The following LYN variants were observed in gnomAD, a reference collection of about 807,000 sequenced individuals.
LYN encodes the protein tyrosine-protein kinase Lyn.
LYN carries 12 observed loss-of-function variants against 65.0 expected under a neutral mutation model. The ratio of observed to expected loss-of-function variants is 0.18; its 90% CI spans 0.12 to 0.30. The LOEUF is 0.30. Ranked by LOEUF, LYN falls within the 10% of genes least tolerant of loss-of-function variation. The probability of loss-of-function intolerance (pLI) is 1.00; values close to 1 mark genes in which losing one functional copy is unlikely to be tolerated. For missense variants in LYN, 380 were observed against 623.2 expected (o/e 0.61, Z 4.16); for synonymous variants, 222 against 221.2 (o/e 1.00, Z -0.03).
In LYN at chr8:56,011,680, A is replaced by G. The variant is rs556677437; in HGVS notation, c.*1570A>G. 2.7e-4 allele frequency: 53 copies of G among 194,108 alleles called. No homozygotes were observed. The highest frequency in any genetic ancestry group is 5.0e-4 in the Non-Finnish European group (47 of 93,264). The allele number at this position is 194,108 out of a possible 1,614,324, so 12.0% of individuals were successfully genotyped here. ...GCTTGAGGTGCTTAGAAGATGGGAT[A>G]AAATATTCTACTTTTTTCTAAATTT... On this transcript the variant is annotated 3_prime_UTR_variant, in exon 13 of 13. Transcript: ENST00000519728.
At chr8:55,976,687 T>G (rs1180264848) in intron 10 of LYN, among the ~76,000 whole-genome samples, 2 of 152,068 alleles carry the variant, frequency 1.3e-5, no homozygotes, top group Non-Finnish European at 2.9e-5. Context: ...TAGGGTGGGC[T>G]AGCAGGTGGA....
rs186681547 is a variant in LYN, at chr8:56,008,223, C to T, written c.1337-1685C>T. On this transcript the variant is annotated intron_variant, in intron 12 of 12. Transcript: ENST00000519728. Reference sequence around the variant, plus strand: ...TTGATCCCAAATGCGGATAGTGCCCCGCAATTTGAAAAACACTGATTAGAA... The same window carrying T: ...TTGATCCCAAATGCGGATAGTGCCCTGCAATTTGAAAAACACTGATTAGAA... 4.8e-3 allele frequency among the ~76,000 whole-genome samples: 729 copies of T among 152,222 alleles called. 3 individuals carry two copies. The highest frequency in any genetic ancestry group is 8.4e-3 in the Non-Finnish European group (569 of 68,026).
At chr8:55,900,978 G>A (rs1805244272) in intron 1 of LYN, among the ~76,000 whole-genome samples, 1 of 152,080 alleles carries the variant, frequency 6.6e-6, no homozygotes, top group African/African-American at 2.4e-5. Context: ...CGTGGATTGA[G>A]TGAGCCACAT....
intron 1 of LYN, among the ~76,000 whole-genome samples, chr8:55,910,221 T>G (rs1339774556): frequency 6.6e-6 from 1 of 152,184 alleles, no homozygotes; most frequent in Non-Finnish European, 1.5e-5. Flanking sequence ...ATTCTTTGCC[T>G]AGACCAATGT....
At chr8:55,938,945 C>G (rs926514915) in intron 1 of LYN, among the ~76,000 whole-genome samples, 1 of 152,030 alleles carries the variant, frequency 6.6e-6, no homozygotes, top group Non-Finnish European at 1.5e-5. Context: ...GTCATCTGGC[C>G]GTATGGTTTC....
intron 4 of LYN, among the ~76,000 whole-genome samples, chr8:55,949,023 AGCTTACCT>A (rs1239944514): frequency 1.3e-5 from 2 of 152,166 alleles, no homozygotes; most frequent in African/African-American, 4.8e-5. Context: ...CCCCATTACC[AGCTTACCT>A]GCTTGCTTCT....
intron 1 of LYN, among the ~76,000 whole-genome samples, chr8:55,896,857 A>G (rs910772791): frequency 1.3e-5 from 2 of 152,062 alleles, no homozygotes; most frequent in African/African-American, 4.8e-5. Context: ...TCCCTACCTC[A>G]GCCTCCTGAG....
intron 1 of LYN, among the ~76,000 whole-genome samples, chr8:55,881,127 A>T (rs940393024): frequency 1.3e-5 from 2 of 152,176 alleles, no homozygotes; most frequent in Non-Finnish European, 2.9e-5. Context: ...AGTACGTACC[A>T]AGCATTTCAT....
chr8:55,914,735 C>T (rs576882237), intron 1 of LYN, among the ~76,000 whole-genome samples: 1 of 152,316 alleles, frequency 6.6e-6, no homozygotes, highest in Admixed American at 6.5e-5. Flanking sequence ...AGTTTCACTA[C>T]AATATCCAGT....
rs369294042 is a variant in LYN at position 55,939,641 on chromosome 8, G to A, written c.-5-2214G>A. On this transcript the variant is annotated intron_variant, in intron 1 of 12. Transcript: ENST00000519728. ...GAGCGGCCCGGTGCGCTGTGGGTTG[G>A]CCGCACCCATGCAGGGCTCCTGCCC... 1.6e-4 allele frequency among the ~76,000 whole-genome samples: 24 copies of A among 152,318 alleles called. No individual in the cohort carries two copies. In the South Asian group the frequency reaches 5.0e-3, roughly 32 times the overall value.
intron 8 of LYN, among the ~76,000 whole-genome samples, chr8:55,957,590 C>A (rs754670873): frequency 6.6e-6 from 1 of 152,180 alleles, no homozygotes; most frequent in East Asian, 1.9e-4. Flanking sequence ...GTAAAGTGAA[C>A]AAAGTAATTC....
rs770531537 is a variant in LYN at position 55,999,596 on chromosome 8, A to G, written c.1336+47A>G. The G allele has an allele frequency of 8.8e-6, 14 of 1,588,538 alleles. No individual in the cohort carries two copies. The Admixed American group carries it at 2.4e-4, about 27-fold the overall frequency. ...ACAATCAAGCTGTATAAATGAGAAA[A>G]AGTCAGGTTGCATGAAGGCATTAAA... On this transcript the variant is annotated intron_variant, in intron 12 of 12. Transcript: ENST00000519728.
At chr8:55,951,695 T>TA (rs937960050) in intron 6 of LYN, among the ~76,000 whole-genome samples, 4 of 151,334 alleles carry the variant, frequency 2.6e-5, no homozygotes, top group Admixed American at 1.3e-4. Context: ...CAAAGTAACT[T>TA]AAAAAAATTT....
chr8:55,905,392 A>G (rs113967772), intron 1 of LYN, among the ~76,000 whole-genome samples: 18,296 of 147,112 alleles, frequency 0.12, 1,507 homozygotes, highest in Middle Eastern at 0.28. Flanking sequence ...CTGGGCAACA[A>G]GAGTGAAACT....
At chr8:55,977,705 G>A (rs1459908960) in intron 10 of LYN, among the ~76,000 whole-genome samples, 3 of 150,150 alleles carry the variant, frequency 2.0e-5, no homozygotes, top group Admixed American at 2.0e-4. Context: ...CTGAGGCTGG[G>A]AGTTTGAGCC....
rs370119023 is a variant in LYN, at chr8:55,942,357, G to GTATA, written c.132+372_132+375dup. 9.7e-4 allele frequency among the ~76,000 whole-genome samples: 131 copies of GTATA among 135,042 alleles called. 3 individuals carry two copies. The highest frequency in any genetic ancestry group is 4.0e-3 in the Middle Eastern group (1 of 250). The allele number at this position is 135,042 out of a possible 152,430, so 88.6% of individuals were successfully genotyped here. On this transcript the variant is annotated intron_variant, in intron 2 of 12. Transcript: ENST00000519728. ...TATATATATATGTGTATATATATGT[G>GTATA]TATATATATGTGTATATATATGTGT...
intron 10 of LYN, among the ~76,000 whole-genome samples, chr8:55,970,803 C>T (rs1484168855): frequency 2.0e-5 from 3 of 152,174 alleles, no homozygotes; most frequent in African/African-American, 7.2e-5. Flanking sequence ...TGTGTTCTGG[C>T]TCTGCCACTC....
chr8:55,995,013 C>CT (rs1433929527), intron 10 of LYN, among the ~76,000 whole-genome samples: 1 of 152,210 alleles, frequency 6.6e-6, no homozygotes, highest in Non-Finnish European at 1.5e-5. Context: ...GTTTTACTGG[C>CT]TTTTTCTAAC....
At chr8:55,922,632 T>TGGCA (rs2130435548) in intron 1 of LYN, among the ~76,000 whole-genome samples, 1 of 152,092 alleles carries the variant, frequency 6.6e-6, no homozygotes, top group African/African-American at 2.4e-5. Context: ...CCGGGAGTGG[T>TGGCA]GGCACACGCC....
Sources: allele counts gnomAD v4.1 joint callset (sites outside exome capture counted in the v4.1 genomes callset), GRCh38; gene constraint gnomAD v4.1.1; transcripts MANE v1.5; gene names NCBI Gene and HGNC (gene_info 2026-07-23, HGNC 2026-07-21).